Variants in ENTPD5 observed in about 807,000 individuals in gnomAD.
ENTPD5 encodes nucleoside diphosphate phosphatase ENTPD5.
In ENTPD5, 49 loss-of-function variants were observed where a neutral mutation model predicts 60.2. The ratio of observed to expected loss-of-function variants is 0.81; its 90% CI spans 0.65 to 1.03. The LOEUF is 1.03. ENTPD5 is among the 50% of genes least tolerant of loss of function. The pLI, the probability that ENTPD5 is intolerant of heterozygous loss-of-function variation, is 0.00. For missense variants in ENTPD5, 480 were observed against 507.6 expected (o/e 0.95, Z 0.52); for synonymous variants, 187 against 185.4 (o/e 1.01, Z -0.07).
Position 73,963,379 on chromosome 14 carries a change from A to C in ENTPD5, c.*3549T>G, listed in dbSNP as rs1400410771. 2.9e-6 allele frequency: 1 copy of C among 343,224 alleles called. No individual in the cohort carries two copies. Among genetic ancestry groups the C allele is most frequent in the Non-Finnish European group, 5.2e-6 (1 of 190,636 alleles). The allele number at this position is 343,224 out of a possible 1,614,324, so 21.3% of individuals were successfully genotyped here. A position where few individuals can be genotyped will look rare whatever the true frequency, so the allele number is the denominator to read the frequency against. ...ATACAGTTGTTTTTTGATAGAGGTA[A>C]GAATTAGACTCGATGCATTTTTGTT... On this transcript the variant is annotated 3_prime_UTR_variant, in exon 16 of 16. Transcript: ENST00000334696.
At position 74,000,518 on chromosome 14, in the gene ENTPD5, C is replaced by T. The variant is rs568736888; in HGVS notation, c.-71+10573G>A. 5.3e-5 allele frequency among the ~76,000 whole-genome samples: 8 copies of T among 152,066 alleles called. No homozygotes were observed. The East Asian group carries it at 1.2e-3, about 22-fold the overall frequency. On this transcript the variant is annotated intron_variant, in intron 3 of 15. Transcript: ENST00000334696. Reference sequence around the variant, plus strand: ...AGAAATGGCTGGGCACAGTGGCTCACGCCTGTAATCCCAACACTTTGGGAG... The same window carrying T: ...AGAAATGGCTGGGCACAGTGGCTCATGCCTGTAATCCCAACACTTTGGGAG...
At chr14:74,011,266 G>A (rs2058837354) in intron 2 of ENTPD5, 116 bp from the exon 3 acceptor site, 1 of 178,900 alleles carries the variant, frequency 5.6e-6, no homozygotes, top group African/African-American at 2.4e-5. Context: ...ATCTTTTCAG[G>A]CTTTGGAACC....
intron 3 of ENTPD5, among the ~76,000 whole-genome samples, chr14:74,006,047 G>A (rs577180536): frequency 6.6e-6 from 1 of 152,052 alleles, no homozygotes; most frequent in African/African-American, 2.4e-5. Flanking sequence ...GGAGTGCAAT[G>A]GCATGATCTT....
At chr14:73,969,415 G>A (rs773967484) in intron 15 of ENTPD5, among the ~76,000 whole-genome samples, 7 of 152,128 alleles carry the variant, frequency 4.6e-5, no homozygotes, top group Non-Finnish European at 8.8e-5. Context: ...CATGTGGGCC[G>A]GGTGCAGTGG....
intron 3 of ENTPD5, among the ~76,000 whole-genome samples, chr14:73,990,075 C>A (rs2058072068): frequency 6.6e-6 from 1 of 151,864 alleles, no homozygotes; most frequent in African/African-American, 2.4e-5. Flanking sequence ...GTCCCAGGTA[C>A]TTGGGAGGCT....
At chr14:73,987,864 T>G in intron 4 of ENTPD5, 22 bp downstream of exon 4, 1 of 1,612,848 alleles carries the variant, frequency 6.2e-7, no homozygotes, top group South Asian at 1.1e-5. Context: ...CAGACTCTAC[T>G]AAGGGTCCCA....
At chr14:73,960,747 G>A (rs565846414), downstream of ENTPD5, 1 of 459,306 alleles carries the variant, frequency 2.2e-6, no homozygotes, top group Non-Finnish European at 3.5e-6. Context: ...AAGCATACAG[G>A]GGGGAAACAC....
chr14:73,958,344 T>G (rs2056543016), downstream of ENTPD5: 1 of 1,610,372 alleles, frequency 6.2e-7, no homozygotes, highest in Non-Finnish European at 8.5e-7. Flanking sequence ...TTCTAGGGAC[T>G]CTGGTTTTCG....
intron 2 of ENTPD5, among the ~76,000 whole-genome samples, chr14:74,015,360 C>T (rs1159448623): frequency 1.0e-3 from 89 of 87,722 alleles, no homozygotes; most frequent in African/African-American, 3.6e-3. Flanking sequence ...CCACCCCCCG[C>T]CCCCCCTTTT....
intron 14 of ENTPD5, among the ~76,000 whole-genome samples, chr14:73,970,832 T>A (rs1429493119): frequency 2.0e-5 from 3 of 148,014 alleles, no homozygotes; most frequent in Non-Finnish European, 3.0e-5. Flanking sequence ...TTTTTATTAA[T>A]TTTTTTTTTT....
At chr14:74,004,608 C>T (rs1055397903) in intron 3 of ENTPD5, among the ~76,000 whole-genome samples, 29 of 152,184 alleles carry the variant, frequency 1.9e-4, no homozygotes, top group African/African-American at 5.8e-4. Flanking sequence ...GACCCACCTC[C>T]AAGATGGCTC....
intron 13 of ENTPD5, 36 bp from the exon 14 acceptor site, chr14:73,971,944 G>T: frequency 2.3e-6 from 3 of 1,281,218 alleles, no homozygotes; most frequent in Non-Finnish European, 3.4e-6. Context: ...ATATCAAAAC[G>T]CCTTCAAGGA....
chr14:73,972,337 G>T (rs1386658403), intron 13 of ENTPD5, among the ~76,000 whole-genome samples: 1 of 152,140 alleles, frequency 6.6e-6, no homozygotes, highest in Non-Finnish European at 1.5e-5. Flanking sequence ...TCATGCCATT[G>T]CACTCCAGCC....
chr14:73,961,532 A>G (rs1428129141), downstream of ENTPD5: 1 of 1,614,170 alleles, frequency 6.2e-7, no homozygotes, highest in Admixed American at 1.7e-5. Context: ...AGCTTGGCCC[A>G]TCACCTCAGT....
At chr14:73,974,897 C>T (rs559365959) in intron 11 of ENTPD5, 27 bp downstream of exon 11, 2 of 1,593,948 alleles carry the variant, frequency 1.3e-6, no homozygotes, top group South Asian at 1.1e-5. Flanking sequence ...CTCACCATCC[C>T]CCCCCAGCAC....
chr14:73,986,820 A>T lies in ENTPD5; in HGVS notation c.291T>A (p.Pro97=). ...CAAATCATAAGAAACTCACCTGCTT[A>T]GGTTGATCTACAAAAGCAGAAAGTC... ...KPGLSAFVDQ[P]KQGAETVQGL... The change falls in exon 5 of 16, where the codon CCT becomes CCA. Residue 97 remains proline, a synonymous_variant. Transcript: ENST00000334696. The T allele has an allele frequency of 6.2e-7, 1 of 1,612,604 alleles. No homozygotes were observed. Among genetic ancestry groups the T allele is most frequent in the Non-Finnish European group, 8.5e-7 (1 of 1,178,594 alleles).
At chr14:73,972,431 T>C (rs2057268576) in intron 13 of ENTPD5, among the ~76,000 whole-genome samples, 1 of 151,868 alleles carries the variant, frequency 6.6e-6, no homozygotes, top group Non-Finnish European at 1.5e-5. Flanking sequence ...ACCCCCACAA[T>C]AATAGGAAAT....
chr14:73,990,011 A>AAAAT (rs1181310583), intron 3 of ENTPD5, among the ~76,000 whole-genome samples: 1 of 151,774 alleles, frequency 6.6e-6, no homozygotes, highest in Non-Finnish European at 1.5e-5. Flanking sequence ...CGTCTCAAAA[A>AAAAT]AAATAAATAA....
At chr14:73,977,415 G>T in intron 6 of ENTPD5, 41 bp from the exon 7 acceptor site, 3 of 1,334,944 alleles carry the variant, frequency 2.2e-6, no homozygotes, top group Non-Finnish European at 2.1e-6. Context: ...ATTCCCTAAG[G>T]CAATAAAATA....
Sources: allele counts gnomAD v4.1 joint callset (sites outside exome capture counted in the v4.1 genomes callset), GRCh38; gene constraint gnomAD v4.1.1; transcripts MANE v1.5; gene names NCBI Gene and HGNC (gene_info 2026-07-23, HGNC 2026-07-21).